LMTK2: variants seen among roughly 807,000 people sequenced by gnomAD.
LMTK2 encodes lemur tail kinase 2.
A neutral mutation model predicts 127.5 loss-of-function variants in LMTK2; 37 were observed. That is an observed-to-expected ratio of 0.29 (90% confidence interval 0.22 to 0.38). LMTK2 has a LOEUF of 0.38. Among genes scored for constraint, LMTK2 ranks in the 10% least tolerant of loss-of-function variants. The pLI is 1.00. For missense variants in LMTK2, 1,694 were observed against 1,920.3 expected, an observed-to-expected ratio of 0.88 and a Z score of 2.20; for synonymous variants, 819 against 810.1, an observed-to-expected ratio of 1.01 and a Z score of -0.19.
At chr7:98,122,677 G>GGTGTGT (rs1192444903) in intron 1 of LMTK2, among the ~76,000 whole-genome samples, 3 of 108,324 alleles carry the variant, frequency 2.8e-5, no homozygotes, top group East Asian at 2.7e-4. Context: ...AACTCTACAT[G>GGTGTGT]GTGTGTGTGT....
rs1270694987 is a variant in LMTK2, at chr7:98,209,418, G to C, written c.*3926G>C. On this transcript the variant is annotated 3_prime_UTR_variant, in exon 14 of 14. Coordinates refer to ENST00000297293, the MANE Select transcript of LMTK2 (RefSeq NM_014916.4). ...ATTCCGTCTGCAGAGGAGGACGTAG[G>C]GGGCCGTCACACCCACCAGGCCTCC... 2 of 152,154 alleles carry C rather than the reference G, an allele frequency of 1.3e-5. No homozygotes were observed. Among genetic ancestry groups the C allele is most frequent in the South Asian group, 2.1e-4 (1 of 4,822 alleles). 9.4% of individuals were successfully genotyped at this position (152,154 alleles called of 1,614,324 possible). A position where few individuals can be genotyped will look rare whatever the true frequency, so the allele number is the denominator to read the frequency against.
In LMTK2 at chr7:98,146,311, T is replaced by C. The variant is rs114013494; in HGVS notation, c.376+4770T>C. Among the ~76,000 whole-genome samples the C allele has an allele frequency of 6.6e-3, 1,007 of 152,310 alleles. 13 individuals are homozygous for C. Among genetic ancestry groups the C allele is most frequent in the African/African-American group, 0.023 (955 of 41,582 alleles). On this transcript the variant is annotated intron_variant, in intron 3 of 13. Coordinates refer to ENST00000297293, the MANE Select transcript of LMTK2 (RefSeq NM_014916.4). Reference sequence around the variant, plus strand: ...CAAAATCCTTTTGCCTATTTGGGATTTCTTACAATTCCAACTGAATGTAAG... The same window carrying C: ...CAAAATCCTTTTGCCTATTTGGGATCTCTTACAATTCCAACTGAATGTAAG...
At chr7:98,172,302 C>CTTTTT (rs397948033) in intron 7 of LMTK2, among the ~76,000 whole-genome samples, 2 of 127,832 alleles carry the variant, frequency 1.6e-5, no homozygotes, top group African/African-American at 5.9e-5. Flanking sequence ...GACCATAGTT[C>CTTTTT]TTTTTTTTTT....
chr7:98,107,188 C>T lies in LMTK2; in HGVS notation c.11C>T (p.Pro4Leu), dbSNP rs920870521. The change falls in exon 1 of 14, where the codon CCG (proline) becomes CTG (leucine). Residue 4 changes from proline to leucine, a missense_variant. Transcript: ENST00000297293. ...CGCGCCGTGGGCGAGATGCCGGGGC[C>T]GCCGGCGTTGCGGCGGAGGCTGCTG... MPGPPALRRRLLLL... is the reference protein window; with the variant it reads MPGLPALRRRLLLL... The T allele has an allele frequency of 2.8e-6, 4 of 1,450,262 alleles. No individual in the cohort carries two copies. Among genetic ancestry groups the T allele is most frequent in the Non-Finnish European group, 3.6e-6 (4 of 1,109,574 alleles). 89.8% of individuals were successfully genotyped at this position (1,450,262 alleles called of 1,614,324 possible). A position where few individuals can be genotyped will look rare whatever the true frequency, so the allele number is the denominator to read the frequency against.
intron 1 of LMTK2, among the ~76,000 whole-genome samples, chr7:98,121,650 T>A (rs1291186706): frequency 2.0e-5 from 3 of 150,366 alleles, no homozygotes; most frequent in Non-Finnish European, 3.0e-5. Context: ...AAAAGAAAAT[T>A]AGGAAACCAA....
chr7:98,123,451 C>T (rs1277255781), intron 1 of LMTK2, among the ~76,000 whole-genome samples: 2 of 151,896 alleles, frequency 1.3e-5, no homozygotes, highest in African/African-American at 2.4e-5. Flanking sequence ...ATCTCCTCTC[C>T]GTGTGTTTGG....
intron 5 of LMTK2, among the ~76,000 whole-genome samples, chr7:98,156,901 T>C (rs1459035333): frequency 6.6e-6 from 1 of 152,174 alleles, no homozygotes; most frequent in Non-Finnish European, 1.5e-5. Context: ...CTTCAACTGA[T>C]AGATGAGGCC....
At chr7:98,132,256 C>CT (rs60476028) in intron 1 of LMTK2, among the ~76,000 whole-genome samples, 7,162 of 147,662 alleles carry the variant, frequency 0.049, 233 homozygotes, top group South Asian at 0.14. Flanking sequence ...AGTGAACCAA[C>CT]TTTTTTTTTT....
At chr7:98,167,033 T>C (rs150982650) in intron 6 of LMTK2, among the ~76,000 whole-genome samples, 45 of 152,278 alleles carry the variant, frequency 3.0e-4, no homozygotes, top group African/African-American at 9.6e-4. Context: ...TCCAGAGTAA[T>C]GAAGTAATAA....
intron 1 of LMTK2, among the ~76,000 whole-genome samples, chr7:98,133,742 G>A (rs1796557512): frequency 6.6e-6 from 1 of 152,088 alleles, no homozygotes. Context: ...CAGAGAGCTA[G>A]GGCAAAGCGT....
Position 98,155,287 on chromosome 7 carries a change from CAG to C in LMTK2, c.569+412_569+413del, listed in dbSNP as rs149129687. Among the ~76,000 whole-genome samples, 907 of 152,286 alleles carry C rather than the reference CAG, an allele frequency of 6.0e-3. 3 individuals carry two copies. The highest frequency in any genetic ancestry group is 0.021 in the African/African-American group (855 of 41,550). On this transcript the variant is annotated intron_variant, in intron 5 of 13. Transcript: ENST00000297293. ...GAACTCATCATTTCAGTTACAGCCT[CAG>C]GGGCATGGGGAAATATAACAAAAGA...
chr7:98,126,213 T>G (rs1796441446), intron 1 of LMTK2, among the ~76,000 whole-genome samples: 1 of 152,180 alleles, frequency 6.6e-6, no homozygotes, highest in Non-Finnish European at 1.5e-5. Context: ...TGTGCAGAAG[T>G]TGGATTGACG....
chr7:98,139,131 T>A (rs1191992317), intron 2 of LMTK2, among the ~76,000 whole-genome samples: 1 of 152,120 alleles, frequency 6.6e-6, no homozygotes, highest in African/African-American at 2.4e-5. Context: ...TAATTTTTCT[T>A]CTTTTCTTTT....
At chr7:98,107,989 A>G (rs1796141447) in intron 1 of LMTK2, among the ~76,000 whole-genome samples, 1 of 152,110 alleles carries the variant, frequency 6.6e-6, no homozygotes, top group Admixed American at 6.6e-5. Context: ...ATTTTCCTAA[A>G]TAAAACTTCA....
intron 4 of LMTK2, among the ~76,000 whole-genome samples, chr7:98,151,806 T>C (rs1796860687): frequency 6.6e-6 from 1 of 152,236 alleles, no homozygotes; most frequent in South Asian, 2.1e-4. Context: ...ACTTTCCTGC[T>C]GCGTCCTCCC....
intron 3 of LMTK2, among the ~76,000 whole-genome samples, chr7:98,141,983 A>C (rs1467480543): frequency 6.6e-6 from 1 of 152,118 alleles, no homozygotes; most frequent in African/African-American, 2.4e-5. Flanking sequence ...GTTCTGTGTT[A>C]GTTGATGTCT....
intron 1 of LMTK2, among the ~76,000 whole-genome samples, chr7:98,123,621 C>T (rs932464037): frequency 6.6e-6 from 1 of 152,068 alleles, no homozygotes; most frequent in Non-Finnish European, 1.5e-5. Flanking sequence ...TCGTTTCATC[C>T]ATTTCATTCA....
Position 98,207,593 on chromosome 7 carries a change from G to A in LMTK2, c.*2101G>A, listed in dbSNP as rs1797827443. ...TGAATTCTTGCTGTGGGGACTTCCT[G>A]AGTTTTCTCAGTTTTTACATCTAAG... On this transcript the variant is annotated 3_prime_UTR_variant, in exon 14 of 14. Transcript: ENST00000297293. 6.6e-6 allele frequency: 1 copy of A among 151,836 alleles called. No homozygotes were observed. Among genetic ancestry groups the A allele is most frequent in the Non-Finnish European group, 1.5e-5 (1 of 67,976 alleles). 9.4% of individuals were successfully genotyped at this position (151,836 alleles called of 1,614,324 possible).
In LMTK2 at chr7:98,106,865, A is replaced by C. The variant is rs1258385963; in HGVS notation, c.-313A>C. 1 of 433,158 alleles carries C rather than the reference A, an allele frequency of 2.3e-6. No homozygotes were observed. Among genetic ancestry groups the C allele is most frequent in the Admixed American group, 4.4e-5 (1 of 22,758 alleles). The allele number at this position is 433,158 out of a possible 1,614,324, so 26.8% of individuals were successfully genotyped here. ...CGACATCCCGCCCCCGCGCTACGTC[A>C]CATGACGCAGCCCATCATGGCGGCG... On this transcript the variant is annotated 5_prime_UTR_variant, in exon 1 of 14. Transcript: ENST00000297293.
Sources: gnomAD v4.1 joint callset for allele counts (sites outside exome capture counted in the v4.1 genomes callset) on GRCh38, gnomAD v4.1.1 for gene constraint, MANE v1.5 for transcripts, NCBI Gene and HGNC (gene_info 2026-07-23, HGNC 2026-07-21) for gene names.